The following BEST3 variants were observed in gnomAD, a reference collection of about 807,000 sequenced individuals.
BEST3 encodes the protein bestrophin 3, also known as bestrophin-3.
In BEST3, 50 loss-of-function variants were observed where a neutral mutation model predicts 47.1. That is an observed-to-expected ratio of 1.06 (90% CI 0.85 to 1.34). The LOEUF (loss-of-function observed/expected upper bound fraction) is 1.34, where lower values mean the gene tolerates loss of function less well. Among genes scored for constraint, BEST3 ranks in the 40% most tolerant of loss-of-function variants. The probability of loss-of-function intolerance (pLI) is 0.00; values close to 1 mark genes in which losing one functional copy is unlikely to be tolerated. For missense variants in BEST3, 765 were observed against 817.0 expected (o/e 0.94, Z 0.78); for synonymous variants, 282 against 298.8 (o/e 0.94, Z 0.58).
intron 9 of BEST3, among the ~76,000 whole-genome samples, chr12:69,646,158 A>G (rs912883543): frequency 1.9e-4 from 29 of 152,234 alleles, no homozygotes; most frequent in Admixed American, 1.7e-3. Context: ...GGATGGTCTC[A>G]AACTCCTGAC....
intron 4 of BEST3, among the ~76,000 whole-genome samples, chr12:69,693,333 C>T (rs1886001048): frequency 6.8e-6 from 1 of 146,998 alleles, no homozygotes; most frequent in African/African-American, 2.5e-5. Context: ...TCTCGGGTCA[C>T]TGCAACCTCT....
chr12:69,659,493 G>A (rs1050273006), intron 9 of BEST3, among the ~76,000 whole-genome samples: 9 of 151,950 alleles, frequency 5.9e-5, no homozygotes, highest in African/African-American at 1.4e-4. Flanking sequence ...AACTAGGACC[G>A]TGGGCGTGCA....
At chr12:69,651,560 G>A (rs1482236077), downstream of BEST3, among the ~76,000 whole-genome samples, 1 of 151,952 alleles carries the variant, frequency 6.6e-6, no homozygotes, top group Non-Finnish European at 1.5e-5. Flanking sequence ...ATCACTTGAG[G>A]TCAGGAGTTC....
At position 69,644,323 on chromosome 12, in the gene BEST3, G is replaced by A. The variant is rs1472933591; in HGVS notation, c.1101-536C>T. 2.0e-5 allele frequency among the ~76,000 whole-genome samples: 3 copies of A among 152,128 alleles called. No homozygotes were observed. The South Asian group carries it at 6.2e-4, about 32-fold the overall frequency. On this transcript the variant is annotated intron_variant, in intron 9 of 9. Transcript: ENST00000331471. ...TGGACATAGAGCTACTTCACAGCTC[G>A]TTAAGAGAATTAAATGTGCTAAGTA...
At chr12:69,649,840 G>A (rs995416893), downstream of BEST3, among the ~76,000 whole-genome samples, 4 of 152,208 alleles carry the variant, frequency 2.6e-5, no homozygotes, top group South Asian at 4.1e-4. Flanking sequence ...AACCTGGAAC[G>A]CACCAGCGCT....
chr12:69,654,777 A>G lies in BEST3; in HGVS notation c.*130T>C, dbSNP rs1202587103. 1.4e-6 allele frequency: 2 copies of G among 1,408,994 alleles called. No individual in the cohort carries two copies. The highest frequency in any genetic ancestry group is 2.9e-5 in the African/African-American group (2 of 69,612). 87.3% of individuals were successfully genotyped at this position (1,408,994 alleles called of 1,614,324 possible). A position where few individuals can be genotyped will look rare whatever the true frequency, so the allele number is the denominator to read the frequency against. Reference sequence around the variant, plus strand: ...GGATCATAATGCCCTTCAAAGTTCTAAGTAGCTTATACAGTGTGATCATGT... The same window carrying G: ...GGATCATAATGCCCTTCAAAGTTCTGAGTAGCTTATACAGTGTGATCATGT... On this transcript the variant is annotated 3_prime_UTR_variant, in exon 10 of 10. Transcript: ENST00000330891.
intron 5 of BEST3, among the ~76,000 whole-genome samples, chr12:69,677,502 C>A (rs1024609405): frequency 6.6e-6 from 1 of 152,140 alleles, no homozygotes. Flanking sequence ...AAGTCATGGC[C>A]AGGTGTGGTG....
chr12:69,647,929 T>C (rs1374208991), intron 9 of BEST3, among the ~76,000 whole-genome samples: 2 of 151,998 alleles, frequency 1.3e-5, no homozygotes, highest in Admixed American at 1.3e-4. Context: ...CTCCATTAGA[T>C]AAAAAAGCAA....
chr12:69,670,258 G>T, intron 9 of BEST3: 1 of 574,336 alleles, frequency 1.7e-6, no homozygotes, highest in Non-Finnish European at 3.1e-6. Flanking sequence ...CTGAGGGCAG[G>T]GATGAGCTCT....
In BEST3 at chr12:69,666,404, C is replaced by T. The variant is rs1175798182; in HGVS notation, c.1100+5024G>A. Among the ~76,000 whole-genome samples, 4 of 152,214 alleles carry T rather than the reference C, an allele frequency of 2.6e-5. No homozygotes were observed. In the East Asian group the frequency reaches 7.7e-4, roughly 29 times the overall value. On this transcript the variant is annotated intron_variant, in intron 9 of 9. Coordinates refer to ENST00000330891, the MANE Select transcript of BEST3 (RefSeq NM_032735.3). ...CTTCTTACTTATCAATCACTTCTAA[C>T]CTACTATGGTTTAATTTCTACCCCA... is the stretch of plus-strand genomic sequence containing the variant.
chr12:69,674,437 G>A (rs1177112377), intron 7 of BEST3, among the ~76,000 whole-genome samples: 1 of 152,134 alleles, frequency 6.6e-6, no homozygotes, highest in Non-Finnish European at 1.5e-5. Context: ...ATTTTCATAT[G>A]TGGCTCTTAT....
chr12:69,648,848 T>G (rs1456454805), downstream of BEST3, among the ~76,000 whole-genome samples: 1 of 152,162 alleles, frequency 6.6e-6, no homozygotes, highest in East Asian at 1.9e-4. Flanking sequence ...TACAAAAAAG[T>G]CCTTTCTACA....
chr12:69,643,974 C>T (rs1385090554), intron 9 of BEST3, among the ~76,000 whole-genome samples: 1 of 152,178 alleles, frequency 6.6e-6, no homozygotes, highest in Non-Finnish European at 1.5e-5. Context: ...GAAGGAATTG[C>T]TGGTCTTGCA....
chr12:69,662,086 G>C (rs1326471880), intron 9 of BEST3, among the ~76,000 whole-genome samples: 1 of 152,170 alleles, frequency 6.6e-6, no homozygotes, highest in Non-Finnish European at 1.5e-5. Flanking sequence ...ACCATTTAAA[G>C]ATGAAAACTG....
intron 5 of BEST3, 43 bp from the exon 6 acceptor site, chr12:69,677,300 G>C: frequency 6.5e-7 from 1 of 1,542,416 alleles, no homozygotes; most frequent in Middle Eastern, 1.7e-4. Flanking sequence ...AAGATGACGG[G>C]TGTGGTAATA....
Position 69,653,855 on chromosome 12 carries a change from C to T in BEST3, c.*1052G>A. 1.5e-5 allele frequency: 15 copies of T among 985,450 alleles called. No homozygotes were observed. The highest frequency in any genetic ancestry group is 1.8e-5 in the Non-Finnish European group (15 of 829,936). The allele number at this position is 985,450 out of a possible 1,614,324, so 61.0% of individuals were successfully genotyped here. A position where few individuals can be genotyped will look rare whatever the true frequency, so the allele number is the denominator to read the frequency against. Reference sequence around the variant, plus strand: ...TGACCCGATAGACACAGTAACTGGTCCCGTGTTGCGACACGATTAGGATTT... The same window carrying T: ...TGACCCGATAGACACAGTAACTGGTTCCGTGTTGCGACACGATTAGGATTT... On this transcript the variant is annotated 3_prime_UTR_variant, in exon 10 of 10. Coordinates refer to ENST00000330891, the MANE Select transcript of BEST3 (RefSeq NM_032735.3).
At chr12:69,693,626 CTG>C (rs1334648976) in intron 4 of BEST3, 46 bp downstream of exon 4, 1 of 1,379,170 alleles carries the variant, frequency 7.3e-7, no homozygotes, top group Non-Finnish European at 1.0e-6. Context: ...TCTGGAGGTC[CTG>C]TCTCAGCTGA....
chr12:69,686,771 C>CAAAAAAACAAACAAA (rs1555208488), intron 4 of BEST3, among the ~76,000 whole-genome samples: 1 of 49,938 alleles, frequency 2.0e-5, no homozygotes, highest in Non-Finnish European at 3.4e-5. Flanking sequence ...GATTCTGCCT[C>CAAAAAAACAAACAAA]AAAAAAACAA....
In BEST3 at chr12:69,694,410, A is replaced by G. The variant is rs1475641856; in HGVS notation, c.207T>C (p.Cys69=). The change falls in exon 3 of 10, where the codon TGT becomes TGC. Residue 69 remains cysteine, a synonymous_variant. Transcript: ENST00000330891. ...KRYFEKLSIY[C]DRYAEQIPVT... ...CTGGAATTTGTTCAGCATATCTGTC[A>G]CAGTAAATTGATAATTTTTCAAAGT... 1.2e-6 allele frequency: 2 copies of G among 1,609,680 alleles called. No individual in the cohort carries two copies. The highest frequency in any genetic ancestry group is 2.7e-5 in the African/African-American group (2 of 74,658).
Sources: allele counts gnomAD v4.1 joint callset (sites outside exome capture counted in the v4.1 genomes callset), GRCh38; gene constraint gnomAD v4.1.1; transcripts MANE v1.5; gene names NCBI Gene and HGNC (gene_info 2026-07-23, HGNC 2026-07-21).